TBC1D21: variants seen among roughly 807,000 people sequenced by gnomAD.
The protein encoded by TBC1D21 is TBC1 domain family member 21, also known as male germ cell Rab GTPase-activating protein.
Under a neutral mutation model 46.0 loss-of-function variants are expected in TBC1D21, and 38 were observed. The ratio of observed to expected loss-of-function variants is 0.83; its 90% confidence interval spans 0.64 to 1.08. TBC1D21 has a LOEUF of 1.08. TBC1D21 is among the 50% of genes least tolerant of loss of function. The pLI, the probability that TBC1D21 is intolerant of heterozygous loss-of-function variation, is 0.00. For synonymous variants in TBC1D21, 151 were observed against 157.2 expected (o/e 0.96, Z 0.29); for missense variants, 415 against 417.9 (o/e 0.99, Z 0.06).
At chr15:73,883,549 A>G (rs2068191208) in intron 3 of TBC1D21, among the ~76,000 whole-genome samples, 1 of 152,180 alleles carries the variant, frequency 6.6e-6, no homozygotes. Context: ...ATAAGAACAC[A>G]TGTCATTGGA....
the TBC1D21 span, among the ~76,000 whole-genome samples, chr15:73,902,096 C>T: frequency 0.99 from 150,508 of 152,364 alleles, 74,365 homozygotes; most frequent in East Asian, 1. Flanking sequence ...ATTACAGACA[C>T]GAGCCACCGC....
At chr15:73,899,798 G>A in the TBC1D21 span, among the ~76,000 whole-genome samples, 1 of 152,234 alleles carries the variant, frequency 6.6e-6, no homozygotes, top group African/African-American at 2.4e-5. Context: ...GTACAGAAAG[G>A]ACTGGGAAGG....
chr15:73,887,779 G>A (rs978744537), intron 9 of TBC1D21, 43 bp downstream of exon 9: 5 of 1,545,520 alleles, frequency 3.2e-6, no homozygotes, highest in Non-Finnish European at 4.5e-6. Flanking sequence ...GCTCCTGGAG[G>A]CCCTGACACC....
intron 1 of TBC1D21, among the ~76,000 whole-genome samples, chr15:73,880,499 G>C (rs562407771): frequency 2.0e-4 from 30 of 152,208 alleles, no homozygotes; most frequent in African/African-American, 7.2e-4. Flanking sequence ...GGCCAGGTGC[G>C]GTGACTAACG....
chr15:73,879,381 G>T (rs1656241567), intron 1 of TBC1D21, among the ~76,000 whole-genome samples: 1 of 151,834 alleles, frequency 6.6e-6, no homozygotes, highest in Non-Finnish European at 1.5e-5. Context: ...GCTAATTTTT[G>T]TTTTTTGTTT....
At chr15:73,876,021 C>T (rs1007846411) in intron 1 of TBC1D21, among the ~76,000 whole-genome samples, 22 of 152,094 alleles carry the variant, frequency 1.4e-4, no homozygotes, top group Non-Finnish European at 2.1e-4. Context: ...GTGACATTTC[C>T]CCCTTTGCCT....
rs1178291078 is a variant in TBC1D21 at position 73,881,497 on chromosome 15, C to A, written c.159C>A (p.Ile53=). 6.2e-7 allele frequency: 1 copy of A among 1,614,096 alleles called. No individual in the cohort carries two copies. The highest frequency in any genetic ancestry group is 1.7e-5 in the Admixed American group (1 of 60,018). The change falls in exon 2 of 11, where the codon ATC becomes ATA. Residue 53 remains isoleucine (I), a synonymous_variant. Coordinates refer to ENST00000300504, the MANE Select transcript of TBC1D21 (RefSeq NM_153356.3). ...AKSRDFICVN[I]LERGLHPFVR... is the part of the protein sequence containing the mutation. ...CACGGGACTTCATTTGTGTTAACAT[C>A]CTGGAAAGGGTGGGTCCCCAAGCTA...
Position 73,886,524 on chromosome 15 carries a change from C to T in TBC1D21, c.689C>T (p.Ala230Val), listed in dbSNP as rs2068249172. Residue 230 changes from alanine to valine, a missense_variant, in exon 8 of 11, where the codon GCA (alanine) becomes GTA (valine). Ala to Val is a moderately conservative substitution (Grantham distance 64, BLOSUM62 0). Coordinates refer to ENST00000300504, the MANE Select transcript of TBC1D21 (RefSeq NM_153356.3). ...VFAEHLKGKG[A>V]GAVQSLFPWF... The stretch of plus-strand genomic sequence containing the variant: ...TCTCTCCCCACAGAAGGGAAGGGTG[C>T]AGGGGCTGTGCAGTCCCTCTTCCCC... The T allele has an allele frequency of 6.2e-7, 1 of 1,613,450 alleles. No individual in the cohort carries two copies. Among genetic ancestry groups the T allele is most frequent in the African/African-American group, 1.3e-5 (1 of 74,916 alleles).
At position 73,889,175 on chromosome 15, in the gene TBC1D21, T is replaced by A; in HGVS notation, c.*74T>A. The A allele has an allele frequency of 6.6e-7, 1 of 1,514,586 alleles. No individual in the cohort carries two copies. The highest frequency in any genetic ancestry group is 9.1e-7 in the Non-Finnish European group (1 of 1,100,424). The allele number at this position is 1,514,586 out of a possible 1,614,324, so 93.8% of individuals were successfully genotyped here. On this transcript the variant is annotated 3_prime_UTR_variant, in exon 11 of 11. Coordinates refer to ENST00000300504, the MANE Select transcript of TBC1D21 (RefSeq NM_153356.3). ...GGCCAGGGGCACTGGAGTGAGGGAGTAGATAAAACAGCTGCAATATAAACA... is the reference window on the plus strand; with the variant it reads ...GGCCAGGGGCACTGGAGTGAGGGAGAAGATAAAACAGCTGCAATATAAACA...
At position 73,886,105 on chromosome 15, in the gene TBC1D21, G is replaced by A. The variant is rs767627863; in HGVS notation, c.607G>A (p.Val203Met). Reference protein sequence around the residue: ...TEHSCVINIGVAKNLDMLSTL... With the variant: ...TEHSCVINIGMAKNLDMLSTL... ...ACACAGCTGTGTCATCAACATTGGC[G>A]TGGCCAAGAACCTAGACATGCTCAG... Residue 203 changes from valine (V) to methionine (M), a missense_variant, in exon 7 of 11, where the codon GTG becomes ATG. Val to Met is a conservative substitution (Grantham distance 21, BLOSUM62 1). Coordinates refer to ENST00000300504, the MANE Select transcript of TBC1D21 (RefSeq NM_153356.3). 117 of 1,614,038 alleles carry A rather than the reference G, an allele frequency of 7.2e-5. No individual in the cohort carries two copies. The highest frequency in any genetic ancestry group is 8.6e-5 in the Non-Finnish European group (102 of 1,180,036).
At chr15:73,897,576 G>C in the TBC1D21 span, among the ~76,000 whole-genome samples, 5 of 152,310 alleles carry the variant, frequency 3.3e-5, no homozygotes, top group African/African-American at 1.2e-4. Flanking sequence ...CCAGCCTACA[G>C]AGGGCGCTCC....
At chr15:73,886,226 G>T in intron 7 of TBC1D21, 52 bp downstream of exon 7, 2 of 1,531,290 alleles carry the variant, frequency 1.3e-6, no homozygotes, top group Non-Finnish European at 1.8e-6. Context: ...GCATGGGAAG[G>T]GGGCTGGGAC....
At chr15:73,902,650 T>C in the TBC1D21 span, among the ~76,000 whole-genome samples, 2 of 152,158 alleles carry the variant, frequency 1.3e-5, no homozygotes, top group African/African-American at 2.4e-5. Context: ...GCCTCTCCCC[T>C]CGACTGTGCA....
At chr15:73,901,893 C>A in the TBC1D21 span, among the ~76,000 whole-genome samples, 26 of 152,220 alleles carry the variant, frequency 1.7e-4, 1 homozygote, top group East Asian at 4.6e-3. Context: ...CTCACTGCAG[C>A]CTTGACCTCC....
At chr15:73,883,313 C>T (rs1315160935) in intron 3 of TBC1D21, among the ~76,000 whole-genome samples, 1 of 152,220 alleles carries the variant, frequency 6.6e-6, no homozygotes, top group Non-Finnish European at 1.5e-5. Context: ...CCTGAGGCTG[C>T]CTTAGCAAGT....
At chr15:73,903,842 T>C in the TBC1D21 span, among the ~76,000 whole-genome samples, 77 of 152,050 alleles carry the variant, frequency 5.1e-4, no homozygotes, top group Admixed American at 2.2e-3. Context: ...AGGTGAGGAG[T>C]TCGAGACTGG....
chr15:73,909,349 C>T, the TBC1D21 span, among the ~76,000 whole-genome samples: 3 of 147,580 alleles, frequency 2.0e-5, no homozygotes, highest in Middle Eastern at 6.9e-3. Flanking sequence ...CCAGCCTGGG[C>T]GACACAGCGA....
At chr15:73,881,008 A>T (rs532866508) in intron 1 of TBC1D21, among the ~76,000 whole-genome samples, 106 of 152,226 alleles carry the variant, frequency 7.0e-4, no homozygotes, top group Non-Finnish European at 1.4e-3. Flanking sequence ...TATAGTACAT[A>T]GAGAAAATGC....
chr15:73,873,608 C>T lies in TBC1D21; in HGVS notation c.-102C>T. The T allele has an allele frequency of 1.5e-6, 2 of 1,322,680 alleles. No homozygotes were observed. Among genetic ancestry groups the T allele is most frequent in the Middle Eastern group, 1.8e-4 (1 of 5,438 alleles). The allele number at this position is 1,322,680 out of a possible 1,614,324, so 81.9% of individuals were successfully genotyped here. On this transcript the variant is annotated 5_prime_UTR_variant, in exon 1 of 11. Coordinates refer to ENST00000300504, the MANE Select transcript of TBC1D21 (RefSeq NM_153356.3). ...TTCAAGTGTGGGAGGTCAGGAGCAG[C>T]CAGTTCCTCCTGGGAATGCAACCCA... is the stretch of plus-strand genomic sequence containing the variant.
Sources: gnomAD v4.1 joint callset for allele counts (sites outside exome capture counted in the v4.1 genomes callset) on GRCh38, gnomAD v4.1.1 for gene constraint, MANE v1.5 for transcripts, NCBI Gene and HGNC (gene_info 2026-07-23, HGNC 2026-07-21) for gene names.